RBM46: variants seen among roughly 807,000 people sequenced by gnomAD.
RBM46 encodes RNA binding motif protein 46, also known as probable RNA-binding protein 46.
Under a neutral mutation model 43.3 loss-of-function variants are expected in RBM46, and 12 were observed. That is an observed-to-expected ratio of 0.28 (90% CI 0.18 to 0.45). The LOEUF (loss-of-function observed/expected upper bound fraction) is 0.45, where lower values mean the gene tolerates loss of function less well. Among genes scored for constraint, RBM46 ranks in the 20% least tolerant of loss-of-function variants. The pLI is 1.00. For missense variants in RBM46, 412 were observed against 639.1 expected (o/e 0.64, Z 3.83); for synonymous variants, 205 against 207.6 (o/e 0.99, Z 0.11).
intron 4 of RBM46, among the ~76,000 whole-genome samples, chr4:154,820,094 A>T (rs1735655268): frequency 6.6e-6 from 1 of 152,076 alleles, no homozygotes; most frequent in African/African-American, 2.4e-5. Context: ...TTAGAAAGAT[A>T]AACGATAATT....
intron 4 of RBM46, among the ~76,000 whole-genome samples, chr4:154,818,656 T>A (rs1206057420): frequency 6.6e-6 from 1 of 151,550 alleles, no homozygotes; most frequent in Non-Finnish European, 1.5e-5. Flanking sequence ...TTATTGTGTT[T>A]TCAAATACTG....
chr4:154,806,001 A>C (rs1037103945), intron 4 of RBM46, among the ~76,000 whole-genome samples: 1 of 151,998 alleles, frequency 6.6e-6, no homozygotes, highest in Non-Finnish European at 1.5e-5. Flanking sequence ...TAAATGAGAA[A>C]TAGGCATCAG....
At chr4:154,811,043 G>GA (rs562315179) in intron 4 of RBM46, among the ~76,000 whole-genome samples, 139 of 152,268 alleles carry the variant, frequency 9.1e-4, no homozygotes, top group Non-Finnish European at 1.8e-3. Context: ...TCACTGTAGT[G>GA]AATTAGACAC....
chr4:154,827,784 A>G, intron 4 of RBM46, 84 bp from the exon 5 acceptor site: 1 of 1,586,202 alleles, frequency 6.3e-7, no homozygotes, highest in Admixed American at 1.7e-5. Context: ...TTAAAATGTG[A>G]TTATTGTTTA....
At chr4:154,801,653 C>T (rs1354841675) in intron 4 of RBM46, among the ~76,000 whole-genome samples, 1 of 152,122 alleles carries the variant, frequency 6.6e-6, no homozygotes, top group Non-Finnish European at 1.5e-5. Context: ...CTCCCTCATT[C>T]CCTTACACAT....
At chr4:154,827,614 G>A in intron 4 of RBM46, 1 of 1,236,272 alleles carries the variant, frequency 8.1e-7, no homozygotes. Context: ...AGAAATAGTA[G>A]ATATCCAAGA....
intron 4 of RBM46, among the ~76,000 whole-genome samples, chr4:154,800,648 C>T (rs914209647): frequency 1.4e-4 from 20 of 145,048 alleles, no homozygotes; most frequent in South Asian, 9.4e-4. Flanking sequence ...TTTTTTAATG[C>T]GGCTATAGAT....
intron 1 of RBM46, among the ~76,000 whole-genome samples, chr4:154,794,431 C>T (rs1462336081): frequency 1.3e-5 from 2 of 151,988 alleles, no homozygotes; most frequent in East Asian, 1.9e-4. Flanking sequence ...CTGCCTGCCT[C>T]GGCCTCCCAA....
intron 4 of RBM46, chr4:154,827,132 G>A: frequency 2.0e-6 from 2 of 977,128 alleles, no homozygotes; most frequent in Non-Finnish European, 1.2e-6. Flanking sequence ...AATTATTGAT[G>A]CATAAGATGA....
chr4:154,805,785 A>G (rs1164050196), intron 4 of RBM46, among the ~76,000 whole-genome samples: 1 of 151,950 alleles, frequency 6.6e-6, no homozygotes, highest in Non-Finnish European at 1.5e-5. Context: ...AACTTAAGAA[A>G]TAATTCTAGG....
chr4:154,803,576 G>T (rs373857751), intron 4 of RBM46, among the ~76,000 whole-genome samples: 1 of 151,452 alleles, frequency 6.6e-6, no homozygotes, highest in Non-Finnish European at 1.5e-5. Flanking sequence ...GGTGGCAGGC[G>T]CCTGTAGTCC....
intron 4 of RBM46, among the ~76,000 whole-genome samples, chr4:154,805,247 T>C (rs529272247): frequency 6.6e-6 from 1 of 152,304 alleles, no homozygotes; most frequent in Admixed American, 6.5e-5. Context: ...TTTTTTTTCT[T>C]AGTGCAACTA....
intron 1 of RBM46, chr4:154,787,293 C>T (rs1343766425): frequency 1.3e-5 from 2 of 151,604 alleles, no homozygotes; most frequent in Non-Finnish European, 2.9e-5. Flanking sequence ...ATTAACTCGT[C>T]ATTTACATTA....
intron 4 of RBM46, among the ~76,000 whole-genome samples, chr4:154,799,781 AT>A (rs1734533725): frequency 8.6e-6 from 1 of 116,544 alleles, no homozygotes; most frequent in South Asian, 2.7e-4. Context: ...TTTTTGAGAG[AT>A]GGAGTCTTGC....
intron 1 of RBM46, among the ~76,000 whole-genome samples, chr4:154,788,801 C>T (rs769739404): frequency 6.6e-6 from 1 of 152,122 alleles, no homozygotes; most frequent in Non-Finnish European, 1.5e-5. Context: ...TGTATTGATT[C>T]TTCCTATCCA....
chr4:154,788,832 A>G (rs149663273), intron 1 of RBM46, among the ~76,000 whole-genome samples: 4,037 of 152,280 alleles, frequency 0.027, 72 homozygotes, highest in Non-Finnish European at 0.04. Context: ...ATGTTCTTCC[A>G]TTTGTTTGTG....
chr4:154,816,127 C>T (rs1365336083), intron 4 of RBM46, among the ~76,000 whole-genome samples: 3 of 152,018 alleles, frequency 2.0e-5, no homozygotes, highest in African/African-American at 7.2e-5. Flanking sequence ...TGCACCAATA[C>T]CATATTGTCT....
chr4:154,811,537 A>G (rs1735170500), intron 4 of RBM46, among the ~76,000 whole-genome samples: 1 of 152,186 alleles, frequency 6.6e-6, no homozygotes, highest in Admixed American at 6.5e-5. Context: ...CCAGTTTCCA[A>G]TCATATGTAA....
At chr4:154,786,189 C>A (rs1402262778) in intron 1 of RBM46, among the ~76,000 whole-genome samples, 2 of 152,170 alleles carry the variant, frequency 1.3e-5, no homozygotes, top group African/African-American at 4.8e-5. Flanking sequence ...TAGGTTCAAG[C>A]AATTCCCCAG....
Sources: gnomAD v4.1 joint callset for allele counts (sites outside exome capture counted in the v4.1 genomes callset) on GRCh38, gnomAD v4.1.1 for gene constraint, MANE v1.5 for transcripts, NCBI Gene and HGNC (gene_info 2026-07-23, HGNC 2026-07-21) for gene names.